Variants in SCN7A observed in about 807,000 individuals in gnomAD.
SCN7A encodes sodium voltage-gated channel alpha subunit 7, also known as sodium channel protein type 7 subunit alpha.
A neutral mutation model predicts 155.2 loss-of-function variants in SCN7A; 138 were observed. That is an observed-to-expected ratio of 0.89 (90% CI 0.77 to 1.02). The LOEUF is 1.02. Ranked by LOEUF, SCN7A falls within the 50% of genes least tolerant of loss-of-function variation. The probability of loss-of-function intolerance (pLI) is 0.00; values close to 1 mark genes in which losing one functional copy is unlikely to be tolerated. For synonymous variants in SCN7A, 693 were observed against 649.0 expected (o/e 1.07, Z -1.03); for missense variants, 2,058 against 1,986.6 (o/e 1.04, Z -0.68).
At chr2:166,449,614 C>CT (rs1398964985) in intron 11 of SCN7A, among the ~76,000 whole-genome samples, 2 of 151,996 alleles carry the variant, frequency 1.3e-5, no homozygotes, top group African/African-American at 2.4e-5. Context: ...TCCAGTTCCT[C>CT]TTTTTTTTCC....
At chr2:166,439,039 A>ATGTG (rs562968796) in intron 15 of SCN7A, among the ~76,000 whole-genome samples, 3 of 65,156 alleles carry the variant, frequency 4.6e-5, no homozygotes, top group African/African-American at 7.5e-5. Context: ...ACACATACAT[A>ATGTG]TATGTGTGTG....
intron 10 of SCN7A, among the ~76,000 whole-genome samples, chr2:166,461,041 ATATTT>A (rs1702393272): frequency 7.3e-6 from 1 of 136,234 alleles, no homozygotes; most frequent in African/African-American, 2.7e-5. Context: ...GTCACTTGTA[ATATTT>A]TCTTTTTTTT....
Position 166,430,787 on chromosome 2 carries a change from T to C in SCN7A, c.2593-1513A>G, listed in dbSNP as rs148189204. On this transcript the variant is annotated intron_variant, in intron 16 of 25. Coordinates refer to ENST00000643258, the MANE Select transcript of SCN7A (RefSeq NM_002976.4). The stretch of plus-strand genomic sequence containing the variant: ...AATAAAAATAGGCTGGAAGTACAAA[T>C]AGCAAAGAAACAAGACAGTGTATCT... Among the ~76,000 whole-genome samples, 309 of 152,082 alleles carry C rather than the reference T, an allele frequency of 2.0e-3. 1 individual carries two copies. The highest frequency in any genetic ancestry group is 1.1e-3 in the Non-Finnish European group (77 of 67,940).
chr2:166,480,130 A>C (rs1575065727), intron 2 of SCN7A, among the ~76,000 whole-genome samples: 1 of 152,302 alleles, frequency 6.6e-6, no homozygotes, highest in East Asian at 1.9e-4. Context: ...CAGATAACCA[A>C]GTTTTCTCTT....
intron 15 of SCN7A, among the ~76,000 whole-genome samples, chr2:166,435,389 C>T (rs1701816210): frequency 6.7e-6 from 1 of 150,072 alleles, no homozygotes; most frequent in African/African-American, 2.5e-5. Flanking sequence ...AATCTGTAAC[C>T]AGATTAAAAA....
At chr2:166,467,401 T>C (rs1056921051) in intron 7 of SCN7A, among the ~76,000 whole-genome samples, 1 of 151,528 alleles carries the variant, frequency 6.6e-6, no homozygotes, top group Admixed American at 6.6e-5. Context: ...TTCATATTGT[T>C]TTGTTGGAAA....
At position 166,441,500 on chromosome 2, in the gene SCN7A, G is replaced by A; in HGVS notation, c.2053C>T (p.Leu685Phe). The A allele has an allele frequency of 1.2e-6, 2 of 1,614,078 alleles. No homozygotes were observed. Among genetic ancestry groups the A allele is most frequent in the Non-Finnish European group, 8.5e-7 (1 of 1,179,980 alleles). The change falls in exon 15 of 26, where the codon CTC (leucine) becomes TTC (phenylalanine). Residue 685 changes from leucine to phenylalanine, a missense_variant. Leu to Phe is a conservative substitution (Grantham distance 22, BLOSUM62 0). Transcript: ENST00000643258. ...AAGGTCTCTACCCACTCTCCACAGAGAATTCGGAACACATTCAGGAAGGAG... is the reference window on the plus strand; with the variant it reads ...AAGGTCTCTACCCACTCTCCACAGAAAATTCGGAACACATTCAGGAAGGAG... ...FHSFLNVFRI[L>F]CGEWVETLWD...
chr2:166,406,578 A>G lies in SCN7A; in HGVS notation c.4051T>C (p.Ser1351Pro), dbSNP rs768250126. The change falls in exon 26 of 26, where the codon TCA becomes CCA. Residue 1351 changes from serine (S) to proline (P), a missense_variant. Physicochemically the swap from Ser to Pro is moderately conservative, Grantham distance 74. Transcript: ENST00000643258. Reference sequence around the variant, plus strand: ...AGACGCAGCATGTGAATGATCCGTGAGAGAAGTATCAGTTGCACAAGTGAA... The same window carrying G: ...AGACGCAGCATGTGAATGATCCGTGGGAGAAGTATCAGTTGCACAAGTGAA... ...PPSLVQLILL[S>P]RIIHMLRLGK... 2.5e-6 allele frequency: 4 copies of G among 1,612,676 alleles called. No homozygotes were observed. The highest frequency in any genetic ancestry group is 2.5e-6 in the Non-Finnish European group (3 of 1,179,150).
Position 166,416,736 on chromosome 2 carries a change from C to T in SCN7A, c.3385G>A (p.Gly1129Arg). ...ENAKMNFDNV[G>R]NGFLSLLQVA... is the part of the protein sequence containing the mutation. The stretch of plus-strand genomic sequence containing the variant: ...TGAAGCAGAGAAAGGAAACCATTTC[C>T]AACATTATCAAAGTTCATTTTTGCA... Residue 1129 changes from glycine to arginine, a missense_variant, in exon 21 of 26, where the codon GGA becomes AGA. Coordinates refer to ENST00000643258, the MANE Select transcript of SCN7A (RefSeq NM_002976.4). 1 of 1,609,720 alleles carries T rather than the reference C, an allele frequency of 6.2e-7. No homozygotes were observed. Among genetic ancestry groups the T allele is most frequent in the Non-Finnish European group, 8.5e-7 (1 of 1,177,726 alleles).
chr2:166,418,284 C>CTTTTTTTTTT (rs71031244), intron 20 of SCN7A, among the ~76,000 whole-genome samples: 2 of 60,668 alleles, frequency 3.3e-5, no homozygotes, highest in African/African-American at 1.4e-4. Flanking sequence ...CCCCGCCAGG[C>CTTTTTTTTTT]TTTTTTTTTT....
intron 13 of SCN7A, 56 bp downstream of exon 13, chr2:166,444,706 A>C: frequency 1.0e-6 from 1 of 970,912 alleles, no homozygotes; most frequent in Non-Finnish European, 1.5e-6. Flanking sequence ...AACAAAGAAA[A>C]GTTCAATGAT....
chr2:166,491,695 C>G (rs1683110257), intron 1 of SCN7A, among the ~76,000 whole-genome samples: 1 of 132,628 alleles, frequency 7.5e-6, no homozygotes, highest in African/African-American at 2.9e-5. Context: ...TCTGTTTGTA[C>G]AAGATTTTCT....
chr2:166,454,373 C>A lies in SCN7A; in HGVS notation c.1290+2497G>T, dbSNP rs536543857. Among the ~76,000 whole-genome samples, 47 of 152,316 alleles carry A rather than the reference C, an allele frequency of 3.1e-4. 1 individual carries two copies. Among genetic ancestry groups the A allele is most frequent in the Non-Finnish European group, 5.7e-4 (39 of 68,018 alleles). On this transcript the variant is annotated intron_variant, in intron 11 of 25. Transcript: ENST00000643258. ...TTCTTCACACAGTCCACAACTGCTT[C>A]TTGTTCAATGGTATGCATGTTATGG...
At chr2:166,480,598 G>A (rs1160254432) in intron 2 of SCN7A, among the ~76,000 whole-genome samples, 1 of 151,798 alleles carries the variant, frequency 6.6e-6, no homozygotes, top group East Asian at 1.9e-4. Context: ...ACTATATTAT[G>A]ATAAAATATA....
intron 15 of SCN7A, among the ~76,000 whole-genome samples, chr2:166,438,725 C>A (rs569223100): frequency 3.3e-5 from 5 of 151,510 alleles, no homozygotes; most frequent in African/African-American, 4.8e-5. Context: ...TTACATTTTT[C>A]CCCCTTCTAC....
chr2:166,464,181 T>A (rs1393578597), intron 9 of SCN7A, among the ~76,000 whole-genome samples: 1 of 150,846 alleles, frequency 6.6e-6, no homozygotes, highest in African/African-American at 2.4e-5. Context: ...TATATATATG[T>A]GTATATATGT....
At position 166,492,011 on chromosome 2, in the gene SCN7A, G is replaced by A. The variant is rs143474134; in HGVS notation, c.-128+1957C>T. On this transcript the variant is annotated intron_variant, in intron 1 of 25. Coordinates refer to ENST00000643258, the MANE Select transcript of SCN7A (RefSeq NM_002976.4). ...TTCCCAATCCCTGAGTAAGGGATTG[G>A]GGAAAATACTGTTATTTTTATTTCT... 1.2e-4 allele frequency among the ~76,000 whole-genome samples: 18 copies of A among 152,062 alleles called. 1 individual carries two copies. Among genetic ancestry groups the A allele is most frequent in the African/African-American group, 4.3e-4 (18 of 41,486 alleles).
Position 166,487,480 on chromosome 2 carries a change from C to G in SCN7A, c.-127-512G>C, listed in dbSNP as rs76148279. ...GAGCACAGCCTGCCAGCAATGCACT[C>G]AAGCTGTGGAGAGAGATTCTCCACC... On this transcript the variant is annotated intron_variant, in intron 1 of 25. Coordinates refer to ENST00000643258, the MANE Select transcript of SCN7A (RefSeq NM_002976.4). Among the ~76,000 whole-genome samples the G allele has an allele frequency of 5.9e-3, 905 of 152,286 alleles. 5 individuals are homozygous for G. The highest frequency in any genetic ancestry group is 0.02 in the African/African-American group (851 of 41,560).
At chr2:166,441,217 C>T in intron 15 of SCN7A, 179 bp downstream of exon 15, 1 of 482,738 alleles carries the variant, frequency 2.1e-6, no homozygotes, top group Non-Finnish European at 3.6e-6. Flanking sequence ...TCTACATTTA[C>T]AGCACATTTC....
Sources: gnomAD v4.1 joint callset for allele counts (sites outside exome capture counted in the v4.1 genomes callset) on GRCh38, gnomAD v4.1.1 for gene constraint, MANE v1.5 for transcripts, NCBI Gene and HGNC (gene_info 2026-07-23, HGNC 2026-07-21) for gene names.